Variants in OLFM3 observed in about 807,000 individuals in gnomAD.
OLFM3 encodes the protein noelin-3.
A neutral mutation model predicts 48.6 loss-of-function variants in OLFM3; 20 were observed. The ratio of observed to expected loss-of-function variants is 0.41; its 90% CI spans 0.29 to 0.60. OLFM3 has a LOEUF of 0.60. Among genes scored for constraint, OLFM3 ranks in the 20% least tolerant of loss-of-function variants. The pLI, the probability that OLFM3 is intolerant of heterozygous loss-of-function variation, is 0.28. For synonymous variants in OLFM3, 222 were observed against 198.1 expected (o/e 1.12, Z -1.01); for missense variants, 437 against 544.3 (o/e 0.80, Z 1.96).
rs1039657434 is a variant in OLFM3, at chr1:101,900,390, T to C, written c.70-63365A>G. Among the ~76,000 whole-genome samples, 5 of 152,160 alleles carry C rather than the reference T, an allele frequency of 3.3e-5. No homozygotes were observed. The East Asian group carries it at 9.6e-4, about 29-fold the overall frequency. On this transcript the variant is annotated intron_variant, in intron 1 of 5. Coordinates refer to ENST00000370103, the MANE Select transcript of OLFM3 (RefSeq NM_058170.4). Reference sequence around the variant, plus strand: ...AAGTTTTCCCAGAGGAAGTAATATTTGAGCTAAAATGAGATGGAATAAGGG... The same window carrying C: ...AAGTTTTCCCAGAGGAAGTAATATTCGAGCTAAAATGAGATGGAATAAGGG...
chr1:101,970,620 T>C (rs1183131606), intron 1 of OLFM3, among the ~76,000 whole-genome samples: 3 of 152,230 alleles, frequency 2.0e-5, no homozygotes, highest in Non-Finnish European at 4.4e-5. Flanking sequence ...AAGACAGGGC[T>C]CTGATTCTTG....
chr1:101,893,500 C>G, intron 1 of OLFM3: 1 of 291,916 alleles, frequency 3.4e-6, no homozygotes, highest in Non-Finnish European at 7.0e-6. Context: ...AAAATAACAT[C>G]TCATGATGAA....
intron 1 of OLFM3, among the ~76,000 whole-genome samples, chr1:101,954,001 T>C (rs1002179670): frequency 3.3e-5 from 5 of 152,164 alleles, no homozygotes; most frequent in African/African-American, 1.2e-4. Flanking sequence ...TTCACATTTC[T>C]GATTTATTTT....
At chr1:101,876,101 C>A (rs1191635984) in intron 1 of OLFM3, among the ~76,000 whole-genome samples, 1 of 151,868 alleles carries the variant, frequency 6.6e-6, no homozygotes, top group East Asian at 1.9e-4. Context: ...AGAGATGATG[C>A]CTTAGATCAG....
At chr1:101,934,257 A>G (rs929444774) in intron 1 of OLFM3, among the ~76,000 whole-genome samples, 1 of 152,218 alleles carries the variant, frequency 6.6e-6, no homozygotes, top group Non-Finnish European at 1.5e-5. Flanking sequence ...CCTCAAATAA[A>G]GGGTGGAGAA....
chr1:101,991,968 T>C (rs562901856), intron 1 of OLFM3, among the ~76,000 whole-genome samples: 26 of 152,254 alleles, frequency 1.7e-4, no homozygotes, highest in African/African-American at 6.3e-4. Flanking sequence ...AATTGGTTAA[T>C]TTTTGATAAA....
intron 1 of OLFM3, among the ~76,000 whole-genome samples, chr1:101,913,838 C>T (rs1346608693): frequency 2.6e-5 from 4 of 152,040 alleles, no homozygotes; most frequent in Non-Finnish European, 5.9e-5. Flanking sequence ...GATTTAAATG[C>T]TTCAGAAGAA....
intron 1 of OLFM3, among the ~76,000 whole-genome samples, chr1:101,891,406 T>C (rs886839148): frequency 2.0e-4 from 31 of 151,942 alleles, no homozygotes; most frequent in Non-Finnish European, 3.8e-4. Context: ...ATGAATAACA[T>C]GCTAGTTATT....
chr1:101,820,526 A>G lies in OLFM3; in HGVS notation c.592+4500T>C, dbSNP rs557237128. Reference sequence around the variant, plus strand: ...CCTATTCCATCTTTCATTGGAGTACATTAAGAACTTAGAAAAGGACATTAC... The same window carrying G: ...CCTATTCCATCTTTCATTGGAGTACGTTAAGAACTTAGAAAAGGACATTAC... On this transcript the variant is annotated intron_variant, in intron 4 of 5. Transcript: ENST00000370103. 6.2e-4 allele frequency among the ~76,000 whole-genome samples: 95 copies of G among 152,230 alleles called. 1 individual carries two copies. Among genetic ancestry groups the G allele is most frequent in the South Asian group, 2.9e-3 (14 of 4,828 alleles).
At chr1:101,904,750 C>T (rs961266974) in intron 1 of OLFM3, among the ~76,000 whole-genome samples, 4 of 152,048 alleles carry the variant, frequency 2.6e-5, no homozygotes, top group Non-Finnish European at 4.4e-5. Flanking sequence ...ATAACTTTCT[C>T]CCTATCACTG....
chr1:101,841,646 C>T (rs1254318815), intron 1 of OLFM3, among the ~76,000 whole-genome samples: 3 of 152,174 alleles, frequency 2.0e-5, no homozygotes, highest in Admixed American at 6.5e-5. Context: ...TCAGATATTC[C>T]TGTGGAAGGC....
At chr1:101,863,900 A>G (rs576386347) in intron 1 of OLFM3, among the ~76,000 whole-genome samples, 3 of 152,198 alleles carry the variant, frequency 2.0e-5, no homozygotes, top group Admixed American at 2.0e-4. Flanking sequence ...CTTAAATCTC[A>G]TTAAAGATTC....
chr1:101,963,516 G>C (rs1410902620), intron 1 of OLFM3, among the ~76,000 whole-genome samples: 1 of 119,234 alleles, frequency 8.4e-6, no homozygotes, highest in African/African-American at 3.2e-5. Context: ...AGGAGGCTGA[G>C]ACTTACAGAG....
intron 1 of OLFM3, among the ~76,000 whole-genome samples, chr1:101,965,972 G>C (rs1401930856): frequency 6.6e-6 from 1 of 151,998 alleles, no homozygotes; most frequent in Non-Finnish European, 1.5e-5. Flanking sequence ...CTCGGCCTTT[G>C]CCCAAAGTCC....
chr1:101,930,574 T>C (rs186839817), intron 1 of OLFM3, among the ~76,000 whole-genome samples: 311 of 152,304 alleles, frequency 2.0e-3, no homozygotes, highest in African/African-American at 6.7e-3. Flanking sequence ...GTACTGATTG[T>C]TAACTGTTTG....
At chr1:101,819,357 C>T (rs541760297) in intron 4 of OLFM3, among the ~76,000 whole-genome samples, 102 of 152,128 alleles carry the variant, frequency 6.7e-4, no homozygotes, top group African/African-American at 2.5e-3. Flanking sequence ...GTTTGGATTC[C>T]ATTTTAAAGG....
chr1:101,996,652 C>T, intron 1 of OLFM3, 96 bp downstream of exon 1: 1 of 1,285,442 alleles, frequency 7.8e-7, no homozygotes, highest in Non-Finnish European at 1.1e-6. Flanking sequence ...AAAGAGCTGT[C>T]TCTCGTCCCG....
At chr1:101,926,342 A>G (rs949718096) in intron 1 of OLFM3, among the ~76,000 whole-genome samples, 2 of 152,140 alleles carry the variant, frequency 1.3e-5, no homozygotes, top group Non-Finnish European at 2.9e-5. Flanking sequence ...TCATATTTAC[A>G]CTATCTTGTC....
intron 1 of OLFM3, among the ~76,000 whole-genome samples, chr1:101,966,059 G>A (rs1020765288): frequency 1.3e-5 from 2 of 152,142 alleles, no homozygotes; most frequent in Admixed American, 6.5e-5. Flanking sequence ...TCTTTCATTA[G>A]GCTTGGGATA....
Sources: gnomAD v4.1 joint callset for allele counts (sites outside exome capture counted in the v4.1 genomes callset) on GRCh38, gnomAD v4.1.1 for gene constraint, MANE v1.5 for transcripts, NCBI Gene and HGNC (gene_info 2026-07-23, HGNC 2026-07-21) for gene names.